Variants in PITPNM2 observed in about 807,000 individuals in gnomAD.
PITPNM2 encodes phosphatidylinositol transfer protein membrane associated 2, also known as membrane-associated phosphatidylinositol transfer protein 2.
A neutral mutation model predicts 132.2 loss-of-function variants in PITPNM2; 35 were observed. That is an observed-to-expected ratio of 0.26 (90% CI 0.20 to 0.35). PITPNM2 has a LOEUF of 0.35. Ranked by LOEUF, PITPNM2 falls within the 10% of genes least tolerant of loss-of-function variation. PITPNM2 has a pLI of 1.00. For synonymous variants in PITPNM2, 738 were observed against 799.2 expected, an observed-to-expected ratio of 0.92 and a Z score of 1.29; for missense variants, 1,332 against 1,912.0, an observed-to-expected ratio of 0.70 and a Z score of 5.66.
intron 3 of PITPNM2, 88 bp from the exon 4 acceptor site, chr12:123,014,130 G>A (rs1420609975): frequency 7.1e-7 from 1 of 1,402,460 alleles, no homozygotes; most frequent in East Asian, 2.3e-5. Context: ...CCAGGGGTGT[G>A]GAAAGGGAGG....
intron 1 of PITPNM2, among the ~76,000 whole-genome samples, chr12:123,143,537 G>A (rs558501708): frequency 6.6e-6 from 1 of 152,348 alleles, no homozygotes; most frequent in South Asian, 2.1e-4. Context: ...TCCTCTGAGA[G>A]AGCCCAGGCA....
At chr12:123,057,677 G>T (rs2041082448) in intron 2 of PITPNM2, among the ~76,000 whole-genome samples, 1 of 152,222 alleles carries the variant, frequency 6.6e-6, no homozygotes, top group African/African-American at 2.4e-5. Context: ...GCACATAGAG[G>T]CTGTAGGCTC....
At chr12:123,093,389 T>C (rs1384172110) in intron 2 of PITPNM2, among the ~76,000 whole-genome samples, 1 of 152,152 alleles carries the variant, frequency 6.6e-6, no homozygotes, top group East Asian at 1.9e-4. Context: ...TAGAAACCAT[T>C]GAATTGTACA....
chr12:123,083,848 C>T lies in PITPNM2; in HGVS notation c.-96+26537G>A, dbSNP rs1453621763. The T allele has an allele frequency of 6.6e-6, 1 of 152,340 alleles. No individual in the cohort carries two copies. Among genetic ancestry groups the T allele is most frequent in the African/African-American group, 2.4e-5 (1 of 41,474 alleles). 9.4% of individuals were successfully genotyped at this position (152,340 alleles called of 1,614,324 possible). A position where few individuals can be genotyped will look rare whatever the true frequency, so the allele number is the denominator to read the frequency against. ...GTACAACCTTGACAATCACTAACCT[C>T]TCACTTCCTCGTCCTGCCAGGCTAT... On this transcript the variant is annotated intron_variant, in intron 2 of 25. Coordinates refer to ENST00000320201, the MANE Select transcript of PITPNM2 (RefSeq NM_020845.3). The surrounding 1 kb of genome is among the most constrained non-coding windows in gnomAD (Gnocchi z 4.5).
intron 1 of PITPNM2, among the ~76,000 whole-genome samples, chr12:123,116,869 C>A (rs1566300197): frequency 6.6e-6 from 1 of 152,184 alleles, no homozygotes; most frequent in Non-Finnish European, 1.5e-5. Context: ...CACAGGAGTG[C>A]AGCCAGCCAC....
chr12:122,999,382 A>G (rs974690512), intron 10 of PITPNM2, among the ~76,000 whole-genome samples: 4 of 152,224 alleles, frequency 2.6e-5, no homozygotes, highest in African/African-American at 9.6e-5. Context: ...CCAGCTGCCC[A>G]GAACACATGG....
At chr12:123,050,264 C>T (rs1289855307) in intron 2 of PITPNM2, among the ~76,000 whole-genome samples, 2 of 152,132 alleles carry the variant, frequency 1.3e-5, no homozygotes, top group African/African-American at 4.8e-5. Context: ...AGCCCAAATG[C>T]CCTTAGTATA....
rs1303604771 is a variant in PITPNM2 at position 123,000,065 on chromosome 12, T to C, written c.1224+713A>G. ...AGAAAACCACAGGAGGGGGAGGCTG[T>C]GTGGATGTCCCTCCTCCTCCCCGCC... On this transcript the variant is annotated intron_variant, in intron 10 of 25. Transcript: ENST00000320201. The surrounding 1 kb of genome is among the most constrained non-coding windows in gnomAD (Gnocchi z 5.4). Among the ~76,000 whole-genome samples the C allele has an allele frequency of 2.0e-5, 3 of 152,062 alleles. No homozygotes were observed. Among genetic ancestry groups the C allele is most frequent in the East Asian group, 3.9e-4 (2 of 5,182 alleles).
At chr12:123,139,429 A>T (rs2043453447) in intron 1 of PITPNM2, among the ~76,000 whole-genome samples, 2 of 150,020 alleles carry the variant, frequency 1.3e-5, no homozygotes, top group Non-Finnish European at 3.0e-5. Context: ...TGAACCCGGG[A>T]GGCGGAGCTT....
rs1377608973 is a variant in PITPNM2 at position 123,077,559 on chromosome 12, C to G, written c.-96+32826G>C. Reference sequence around the variant, plus strand: ...TGGAGTGCTGTACCTACCCAAGCACCAGGAGGCAGGAGTCGAGCTACTCAC... The same window carrying G: ...TGGAGTGCTGTACCTACCCAAGCACGAGGAGGCAGGAGTCGAGCTACTCAC... On this transcript the variant is annotated intron_variant, in intron 2 of 25. Coordinates refer to ENST00000320201, the MANE Select transcript of PITPNM2 (RefSeq NM_020845.3). The surrounding 1 kb of genome is among the most constrained non-coding windows in gnomAD (Gnocchi z 4.8). Among the ~76,000 whole-genome samples, 1 of 152,110 alleles carries G rather than the reference C, an allele frequency of 6.6e-6. No homozygotes were observed. The highest frequency in any genetic ancestry group is 1.5e-5 in the Non-Finnish European group (1 of 68,036).
chr12:123,084,638 G>A (rs1011513965), intron 2 of PITPNM2: 7 of 152,202 alleles, frequency 4.6e-5, no homozygotes, highest in African/African-American at 1.7e-4. Flanking sequence ...GCCAGGCCCA[G>A]CTGATGGGAA....
chr12:123,101,927 C>T (rs1474193746), intron 2 of PITPNM2, among the ~76,000 whole-genome samples: 4 of 152,132 alleles, frequency 2.6e-5, no homozygotes, highest in African/African-American at 7.2e-5. Context: ...GTGTGGTGTG[C>T]GTCTGTGACA....
At chr12:123,043,454 G>T (rs1282897658) in intron 2 of PITPNM2, among the ~76,000 whole-genome samples, 1 of 152,136 alleles carries the variant, frequency 6.6e-6, no homozygotes, top group Non-Finnish European at 1.5e-5. Context: ...GCTGGCCTGG[G>T]CAGTGAAGAG....
intron 1 of PITPNM2, among the ~76,000 whole-genome samples, chr12:123,144,205 G>A (rs1404083494): frequency 2.0e-5 from 3 of 152,204 alleles, no homozygotes; most frequent in South Asian, 2.1e-4. Context: ...TTTGTGGTCT[G>A]TGCAGTGCCA....
At chr12:123,073,617 A>T (rs560606485) in intron 2 of PITPNM2, among the ~76,000 whole-genome samples, 1 of 152,336 alleles carries the variant, frequency 6.6e-6, no homozygotes, top group Non-Finnish European at 1.5e-5. Context: ...AGCCTAAAAC[A>T]CATAGACCCC....
intron 1 of PITPNM2, among the ~76,000 whole-genome samples, chr12:123,124,058 A>G (rs551812012): frequency 2.0e-3 from 300 of 152,190 alleles, no homozygotes; most frequent in African/African-American, 7.0e-3. Context: ...GATCGAGACC[A>G]CCCTGGCTAA....
intron 2 of PITPNM2, among the ~76,000 whole-genome samples, chr12:123,041,532 G>A (rs2040473692): frequency 6.6e-6 from 1 of 152,154 alleles, no homozygotes; most frequent in Admixed American, 6.5e-5. Context: ...TGTGACTTGT[G>A]TGTCTGCCTC....
chr12:123,032,236 T>C (rs2040119919), intron 3 of PITPNM2, among the ~76,000 whole-genome samples: 1 of 152,198 alleles, frequency 6.6e-6, no homozygotes, highest in Non-Finnish European at 1.5e-5. Flanking sequence ...CCCAGCACTT[T>C]GGGAGGCCAA....
At chr12:122,987,234 C>A (rs1043458298) in intron 23 of PITPNM2, 47 bp downstream of exon 23, 2 of 1,600,586 alleles carry the variant, frequency 1.2e-6, no homozygotes, top group Non-Finnish European at 1.7e-6. Context: ...AGCCCCTGAG[C>A]CCACCCACCT....
Sources: gnomAD v4.1 joint callset for allele counts (sites outside exome capture counted in the v4.1 genomes callset) on GRCh38, gnomAD v4.1.1 for gene constraint, Gnocchi (gnomAD v3.1) non-coding constraint, MANE v1.5 for transcripts, NCBI Gene and HGNC (gene_info 2026-07-23, HGNC 2026-07-21) for gene names.